The following LIN52 variants were observed in gnomAD, a reference collection of about 807,000 sequenced individuals.
LIN52 encodes the protein protein lin-52 homolog.
LIN52 carries 4 observed loss-of-function variants against 18.5 expected under a neutral mutation model. The ratio of observed to expected loss-of-function variants is 0.22; its 90% CI spans 0.11 to 0.49. The LOEUF (loss-of-function observed/expected upper bound fraction) is 0.49, where lower values mean the gene tolerates loss of function less well. LIN52 is among the 20% of genes least tolerant of loss of function. The pLI, the probability that LIN52 is intolerant of heterozygous loss-of-function variation, is 0.97. For synonymous variants in LIN52, 34 were observed against 45.5 expected, an observed-to-expected ratio of 0.75 and a Z score of 1.02; for missense variants, 102 against 139.5, an observed-to-expected ratio of 0.73 and a Z score of 1.35.
At position 74,111,606 on chromosome 14, in the gene LIN52, GTATTTATTTATTTATT is replaced by G. The variant is rs3082883; in HGVS notation, c.283+10398_283+10413del. ...TGTGAGCCACCATGCCCTGCCCCTG[GTATTTATTTATTTATT>G]TATTTATTTATTTATTTATTTATTT... is the stretch of plus-strand genomic sequence containing the variant. On this transcript the variant is annotated intron_variant, in intron 5 of 5. Coordinates refer to ENST00000555028, the MANE Select transcript of LIN52 (RefSeq NM_001024674.3). Among the ~76,000 whole-genome samples, 757 of 138,108 alleles carry G rather than the reference GTATTTATTTATTTATT, an allele frequency of 5.5e-3. 6 individuals carry two copies. Among genetic ancestry groups the G allele is most frequent in the African/African-American group, 9.3e-3 (348 of 37,412 alleles). 90.6% of individuals were successfully genotyped at this position (138,108 alleles called of 152,430 possible).
chr14:74,095,836 CTCT>C, intron 2 of LIN52, 109 bp from the exon 3 acceptor site: 1 of 647,962 alleles, frequency 1.5e-6, no homozygotes, highest in South Asian at 2.1e-5. Context: ...TTTATTCTTT[CTCT>C]TCTTCTAAAC....
At chr14:74,155,375 T>TG (rs2061195133) in intron 5 of LIN52, among the ~76,000 whole-genome samples, 1 of 152,244 alleles carries the variant, frequency 6.6e-6, no homozygotes, top group African/African-American at 2.4e-5. Flanking sequence ...TTCACCCTGG[T>TG]GGAAGCAGAG....
intron 5 of LIN52, among the ~76,000 whole-genome samples, chr14:74,140,620 C>T (rs2061124513): frequency 6.6e-6 from 1 of 152,238 alleles, no homozygotes; most frequent in East Asian, 1.9e-4. Flanking sequence ...GGTGACTGTC[C>T]GTCACGAAAA....
chr14:74,085,216 G>A (rs2060717407), intron 1 of LIN52: 1 of 396,730 alleles, frequency 2.5e-6, no homozygotes, highest in Non-Finnish European at 4.4e-6. Flanking sequence ...TGTGGAGGAG[G>A]GCACTAGGGA....
rs929752491 is a variant in LIN52 at position 74,183,530 on chromosome 14, A to G, written c.284-15392A>G. 3.9e-5 allele frequency among the ~76,000 whole-genome samples: 6 copies of G among 152,140 alleles called. No homozygotes were observed. The East Asian group carries it at 1.2e-3, about 29-fold the overall frequency. ...TTGCTTCTAACTTATGAATGATATTATGATATGTAGTGATAATGAGGAAAA... is the reference window on the plus strand; with the variant it reads ...TTGCTTCTAACTTATGAATGATATTGTGATATGTAGTGATAATGAGGAAAA... On this transcript the variant is annotated intron_variant, in intron 5 of 5. Coordinates refer to ENST00000555028, the MANE Select transcript of LIN52 (RefSeq NM_001024674.3).
intron 5 of LIN52, among the ~76,000 whole-genome samples, chr14:74,163,495 G>T (rs182238719): frequency 1.3e-5 from 2 of 152,194 alleles, no homozygotes; most frequent in African/African-American, 4.8e-5. Flanking sequence ...GGAGTGGGGG[G>T]GATGACAAAA....
intron 5 of LIN52, among the ~76,000 whole-genome samples, chr14:74,130,042 A>T (rs1250059904): frequency 1.3e-5 from 2 of 151,962 alleles, no homozygotes; most frequent in Admixed American, 6.6e-5. Context: ...TTTTAAAACC[A>T]TCAGATCTCA....
intron 5 of LIN52, among the ~76,000 whole-genome samples, chr14:74,185,042 T>C (rs1303793251): frequency 6.6e-6 from 1 of 152,046 alleles, no homozygotes; most frequent in Non-Finnish European, 1.5e-5. Flanking sequence ...AGGATATCCC[T>C]GGTTCACTTA....
At chr14:74,133,701 A>G (rs528108650) in intron 5 of LIN52, among the ~76,000 whole-genome samples, 29 of 152,296 alleles carry the variant, frequency 1.9e-4, no homozygotes, top group African/African-American at 6.5e-4. Context: ...GAAACCTCCA[A>G]TTTCGTTCAC....
intron 5 of LIN52, among the ~76,000 whole-genome samples, chr14:74,168,851 G>A (rs1234465397): frequency 6.6e-6 from 1 of 151,914 alleles, no homozygotes; most frequent in Admixed American, 6.6e-5. Context: ...ATCACTTGAG[G>A]TCAGGAGTTT....
At chr14:74,120,966 A>T (rs1227666593) in intron 5 of LIN52, among the ~76,000 whole-genome samples, 2 of 152,036 alleles carry the variant, frequency 1.3e-5, no homozygotes, top group Non-Finnish European at 2.9e-5. Flanking sequence ...AGTTTCAGCT[A>T]CTCTGGATGC....
Position 74,201,364 on chromosome 14 carries a change from T to A in LIN52, c.*2387T>A, listed in dbSNP as rs1370111282. ...ATATACTTAATGGATAGTTGGGGGC[T>A]TTACAGTCATCTACTTGGTCTCCTG... is the stretch of plus-strand genomic sequence containing the variant. On this transcript the variant is annotated 3_prime_UTR_variant, in exon 6 of 6. Coordinates refer to ENST00000555028, the MANE Select transcript of LIN52 (RefSeq NM_001024674.3). 6.6e-6 allele frequency: 1 copy of A among 152,168 alleles called. No individual in the cohort carries two copies. The highest frequency in any genetic ancestry group is 1.5e-5 in the Non-Finnish European group (1 of 68,032). The allele number at this position is 152,168 out of a possible 1,614,324, so 9.4% of individuals were successfully genotyped here.
chr14:74,193,081 G>A (rs1018697157), intron 5 of LIN52, among the ~76,000 whole-genome samples: 3 of 151,998 alleles, frequency 2.0e-5, no homozygotes, highest in Non-Finnish European at 4.4e-5. Flanking sequence ...GATAAGATGG[G>A]GATAAATACT....
intron 2 of LIN52, among the ~76,000 whole-genome samples, chr14:74,092,835 T>C (rs537721096): frequency 7.9e-5 from 12 of 151,654 alleles, no homozygotes; most frequent in Non-Finnish European, 8.8e-5. Flanking sequence ...GAGAATTGCC[T>C]GAACCCGGGA....
intron 5 of LIN52, among the ~76,000 whole-genome samples, chr14:74,161,830 C>G (rs117790708): frequency 6.6e-6 from 1 of 152,224 alleles, no homozygotes; most frequent in African/African-American, 2.4e-5. Flanking sequence ...ACCTGCTTGT[C>G]GCTGCACAGA....
intron 1 of LIN52, among the ~76,000 whole-genome samples, chr14:74,090,591 T>G (rs2060767170): frequency 6.6e-6 from 1 of 152,148 alleles, no homozygotes; most frequent in Admixed American, 6.6e-5. Context: ...CGTGTTGGCC[T>G]CCCAAAGTGC....
rs530881399 is a variant in LIN52 at position 74,171,846 on chromosome 14, C to G, written c.284-27076C>G. On this transcript the variant is annotated intron_variant, in intron 5 of 5. Transcript: ENST00000555028. ...CTCCACCTCCCAGGTTCAAGCAGTT[C>G]TCCTGCCACAGCCTCCCAAGTAGCT... Among the ~76,000 whole-genome samples, 38 of 147,690 alleles carry G rather than the reference C, an allele frequency of 2.6e-4. No individual in the cohort carries two copies. The East Asian group carries it at 7.8e-3, about 30-fold the overall frequency.
chr14:74,200,247 CT>C lies in LIN52; in HGVS notation c.*1271del, dbSNP rs2078939279. ...TGGCCAATATGGTGAAACCCTGTCT[CT>C]ACTAAAATACAAAAATTAGCTGGGC... On this transcript the variant is annotated 3_prime_UTR_variant, in exon 6 of 6. Coordinates refer to ENST00000555028, the MANE Select transcript of LIN52 (RefSeq NM_001024674.3). The C allele has an allele frequency of 1.1e-5, 1 of 94,534 alleles. No homozygotes were observed. Among genetic ancestry groups the C allele is most frequent in the African/African-American group, 3.0e-5 (1 of 33,880 alleles). 5.9% of individuals were successfully genotyped at this position (94,534 alleles called of 1,614,324 possible). A position where few individuals can be genotyped will look rare whatever the true frequency, so the allele number is the denominator to read the frequency against.
chr14:74,179,191 C>T (rs992224227), intron 5 of LIN52, among the ~76,000 whole-genome samples: 1 of 152,196 alleles, frequency 6.6e-6, no homozygotes, highest in Non-Finnish European at 1.5e-5. Flanking sequence ...AATTAATTAT[C>T]TCCATTCTAT....
Sources: allele counts gnomAD v4.1 joint callset (sites outside exome capture counted in the v4.1 genomes callset), GRCh38; gene constraint gnomAD v4.1.1; transcripts MANE v1.5; gene names NCBI Gene and HGNC (gene_info 2026-07-23, HGNC 2026-07-21).